NEBL: variants seen among roughly 807,000 people sequenced by gnomAD.
The protein encoded by NEBL is LIM and SH3 protein 2.
Under a neutral mutation model 140.2 loss-of-function variants are expected in NEBL, and 122 were observed. That is an observed-to-expected ratio of 0.87 (90% confidence interval 0.75 to 1.01). The LOEUF is 1.01. Ranked by LOEUF, NEBL falls within the 50% of genes least tolerant of loss-of-function variation. The pLI is 0.00. For missense variants in NEBL, 1,365 were observed against 1,231.3 expected, an observed-to-expected ratio of 1.11 and a Z score of -1.62; for synonymous variants, 436 against 398.9, an observed-to-expected ratio of 1.09 and a Z score of -1.11.
At chr10:21,134,402 A>T (rs1839251844) in intron 2 of NEBL, among the ~76,000 whole-genome samples, 2 of 152,194 alleles carry the variant, frequency 1.3e-5, no homozygotes, top group Non-Finnish European at 2.9e-5. Context: ...CAGTGTTAAA[A>T]ACCTTTTGTA....
At chr10:20,879,746 T>A (rs988272922) in intron 5 of NEBL, among the ~76,000 whole-genome samples, 33 of 152,072 alleles carry the variant, frequency 2.2e-4, no homozygotes, top group Non-Finnish European at 5.9e-5. Flanking sequence ...AGGCATTTTA[T>A]CTTAACTGAT....
intron 2 of NEBL, chr10:21,113,213 C>CA: frequency 6.8e-6 from 2 of 296,008 alleles, no homozygotes; most frequent in Non-Finnish European, 6.2e-6. Flanking sequence ...ATGCTCCAGC[C>CA]AAAAATGCAC....
chr10:21,083,793 C>T (rs1249132162), intron 2 of NEBL, among the ~76,000 whole-genome samples: 4 of 152,128 alleles, frequency 2.6e-5, no homozygotes, highest in Admixed American at 1.3e-4. Context: ...TGCAGTGAGC[C>T]ATGATTGTGC....
intron 26 of NEBL, among the ~76,000 whole-genome samples, chr10:20,796,235 C>G (rs973635685): frequency 1.3e-5 from 2 of 151,740 alleles, no homozygotes; most frequent in African/African-American, 4.8e-5. Context: ...TAGTGGTGGG[C>G]GCCCGTTATC....
chr10:20,845,438 G>C lies in NEBL; in HGVS notation c.1117-70C>G, dbSNP rs141306151. The stretch of plus-strand genomic sequence containing the variant: ...GACCATTGAAAAGAGATTTGAACAA[G>C]AGTTCCCAGAACAAAAATGATGTTT... On this transcript the variant is annotated intron_variant, in intron 11 of 27. Transcript: ENST00000377122. The C allele has an allele frequency of 1.1e-3, 1,092 of 975,406 alleles. 7 individuals are homozygous for C. The African/African-American group carries it at 0.015, about 13-fold the overall frequency. The allele number at this position is 975,406 out of a possible 1,614,324, so 60.4% of individuals were successfully genotyped here. A position where few individuals can be genotyped will look rare whatever the true frequency, so the allele number is the denominator to read the frequency against.
intron 2 of NEBL, among the ~76,000 whole-genome samples, chr10:21,089,496 T>TG (rs957587955): frequency 6.7e-6 from 1 of 149,880 alleles, no homozygotes. Context: ...GCCAAAGAGG[T>TG]GGGGGGTGAC....
chr10:20,839,398 G>T (rs959709746), intron 13 of NEBL, among the ~76,000 whole-genome samples: 2 of 152,088 alleles, frequency 1.3e-5, no homozygotes, highest in Admixed American at 1.3e-4. Flanking sequence ...CTCACCAGGG[G>T]CACGTGTTGT....
Position 20,808,584 on chromosome 10 carries a change from T to A in NEBL, c.2687A>T (p.Asp896Val). 6.2e-7 allele frequency: 1 copy of A among 1,613,666 alleles called. No homozygotes were observed. Among genetic ancestry groups the A allele is most frequent in the Non-Finnish European group, 8.5e-7 (1 of 1,179,598 alleles). Residue 896 changes from aspartate to valine, a missense_variant, in exon 26 of 28, where the codon GAC becomes GTC. Transcript: ENST00000377122. ...SSTFGTGLGD[D>V]RSEISEIYPS... Reference sequence around the variant, plus strand: ...GTAAATCTCGGAGATTTCTGACCTGTCGTCTCCGAGACCTGTACCGAAAGT... The same window carrying A: ...GTAAATCTCGGAGATTTCTGACCTGACGTCTCCGAGACCTGTACCGAAAGT...
intron 3 of NEBL, among the ~76,000 whole-genome samples, chr10:20,974,240 T>C (rs1322938031): frequency 6.6e-6 from 1 of 151,472 alleles, no homozygotes; most frequent in Non-Finnish European, 1.5e-5. Context: ...AGACCATCGC[T>C]TAGTTTTTTT....
At chr10:21,282,826 A>T (rs975572653) in intron 1 of NEBL, among the ~76,000 whole-genome samples, 5 of 152,146 alleles carry the variant, frequency 3.3e-5, no homozygotes, top group Admixed American at 1.3e-4. Flanking sequence ...ATTGCTGATT[A>T]AAAAAAGGTT....
intron 3 of NEBL, among the ~76,000 whole-genome samples, chr10:20,973,500 T>C (rs947056631): frequency 5.9e-5 from 9 of 152,298 alleles, no homozygotes; most frequent in Admixed American, 1.3e-4. Flanking sequence ...TCCTCCTGCA[T>C]CTGTCTCCCA....
At chr10:20,849,147 A>C (rs1297810195) in intron 11 of NEBL, among the ~76,000 whole-genome samples, 1 of 152,170 alleles carries the variant, frequency 6.6e-6, no homozygotes, top group Admixed American at 6.6e-5. Context: ...TGCACCCACA[A>C]AACTTTGATA....
chr10:21,018,598 C>T (rs1838653093), intron 3 of NEBL, among the ~76,000 whole-genome samples: 1 of 152,104 alleles, frequency 6.6e-6, no homozygotes, highest in African/African-American at 2.4e-5. Context: ...AGATTATTTC[C>T]TCTAATTAGA....
At chr10:20,972,555 C>G (rs575397062) in intron 3 of NEBL, among the ~76,000 whole-genome samples, 22 of 151,978 alleles carry the variant, frequency 1.4e-4, no homozygotes, top group South Asian at 4.2e-4. Context: ...CCATCCTGGC[C>G]AACATGGTGA....
chr10:21,155,157 C>T (rs1269841524), intron 2 of NEBL, among the ~76,000 whole-genome samples: 1 of 152,152 alleles, frequency 6.6e-6, no homozygotes, highest in African/African-American at 2.4e-5. Context: ...TGAGATCTCG[C>T]CACTGCACTC....
At chr10:20,846,455 T>C (rs59247787) in intron 11 of NEBL, among the ~76,000 whole-genome samples, 11,956 of 152,236 alleles carry the variant, frequency 0.079, 529 homozygotes, top group Middle Eastern at 0.13. Flanking sequence ...TTAGCACATG[T>C]GTTCCATACA....
intron 3 of NEBL, among the ~76,000 whole-genome samples, chr10:20,991,586 C>A: frequency 6.6e-6 from 1 of 151,722 alleles, no homozygotes; most frequent in African/African-American, 2.4e-5. Context: ...CTCATTTTTC[C>A]TTTTTTTGTT....
At chr10:21,145,877 G>A (rs1462609696) in intron 2 of NEBL, among the ~76,000 whole-genome samples, 1 of 152,244 alleles carries the variant, frequency 6.6e-6, no homozygotes, top group Non-Finnish European at 1.5e-5. Context: ...TCTTTTACCA[G>A]CAAAGCCCTC....
At chr10:21,033,966 G>C (rs947408135) in intron 2 of NEBL, among the ~76,000 whole-genome samples, 1 of 151,574 alleles carries the variant, frequency 6.6e-6, no homozygotes, top group Admixed American at 6.6e-5. Context: ...GAGACTTTGA[G>C]ACCAACCTGG....
Sources: gnomAD v4.1 joint callset for allele counts (sites outside exome capture counted in the v4.1 genomes callset) on GRCh38, gnomAD v4.1.1 for gene constraint, MANE v1.5 for transcripts, NCBI Gene and HGNC (gene_info 2026-07-23, HGNC 2026-07-21) for gene names.